Variants in DPP10 observed in about 807,000 individuals in gnomAD.
DPP10 encodes inactive dipeptidyl peptidase 10.
In DPP10, 33 loss-of-function variants were observed where a neutral mutation model predicts 120.9. The observed-to-expected ratio is 0.27, with a 90% CI of 0.21 to 0.37. The LOEUF is 0.37. Ranked by LOEUF, DPP10 falls within the 10% of genes least tolerant of loss-of-function variation. The pLI, the probability that DPP10 is intolerant of heterozygous loss-of-function variation, is 1.00. For missense variants in DPP10, 816 were observed against 942.8 expected, an observed-to-expected ratio of 0.87 and a Z score of 1.76; for synonymous variants, 337 against 326.1, an observed-to-expected ratio of 1.03 and a Z score of -0.36.
chr2:115,111,058 T>C (rs2049189770), intron 1 of DPP10, among the ~76,000 whole-genome samples: 1 of 152,196 alleles, frequency 6.6e-6, no homozygotes, highest in African/African-American at 2.4e-5. Context: ...AAATTGAAAC[T>C]GTGGAGAAGG....
intron 1 of DPP10, among the ~76,000 whole-genome samples, chr2:114,789,296 G>A (rs1350141048): frequency 6.6e-6 from 1 of 152,176 alleles, no homozygotes; most frequent in East Asian, 1.9e-4. Context: ...AGCTTTGCAA[G>A]GTTAAATAGG....
chr2:114,606,336 T>G (rs922049780), intron 1 of DPP10, among the ~76,000 whole-genome samples: 6 of 152,134 alleles, frequency 3.9e-5, no homozygotes, highest in Non-Finnish European at 2.9e-5. Flanking sequence ...AGCGAAGATC[T>G]TTCCAGCCCT....
intron 3 of DPP10, among the ~76,000 whole-genome samples, chr2:115,472,934 A>G (rs1279521351): frequency 6.6e-6 from 1 of 152,196 alleles, no homozygotes; most frequent in Non-Finnish European, 1.5e-5. Flanking sequence ...AGCAGGTCAT[A>G]CAAGAAGATT....
chr2:114,738,918 G>A (rs1000749038), intron 1 of DPP10, among the ~76,000 whole-genome samples: 3 of 152,112 alleles, frequency 2.0e-5, no homozygotes, highest in African/African-American at 7.2e-5. Context: ...GGTGCCTCAT[G>A]GAAGCCCAGA....
At chr2:114,501,382 C>T (rs1385486880) in intron 1 of DPP10, among the ~76,000 whole-genome samples, 2 of 152,206 alleles carry the variant, frequency 1.3e-5, no homozygotes, top group East Asian at 3.9e-4. Flanking sequence ...CAAAATGTCC[C>T]AGCCTTTGTG....
intron 3 of DPP10, among the ~76,000 whole-genome samples, chr2:115,469,950 GTA>G (rs1231980938): frequency 6.6e-6 from 1 of 151,046 alleles, no homozygotes; most frequent in Admixed American, 6.6e-5. Context: ...TAAAATCTGT[GTA>G]TTGTATTGCA....
At chr2:114,834,828 ATGTATATATAAGCCATG>A (rs1687547495) in intron 1 of DPP10, among the ~76,000 whole-genome samples, 1 of 150,434 alleles carries the variant, frequency 6.6e-6, no homozygotes, top group African/African-American at 2.5e-5. Flanking sequence ...CTACACACCT[ATGTATATATAAGCCATG>A]TCTACACACC....
At chr2:115,384,417 AAGAAGAAGAAGG>A (rs1342719618) in intron 3 of DPP10, among the ~76,000 whole-genome samples, 1 of 150,148 alleles carries the variant, frequency 6.7e-6, no homozygotes, top group African/African-American at 2.4e-5. Context: ...GGAGAAGAAG[AAGAAGAAGAAGG>A]AGAAGAAGAA....
At chr2:115,815,580 T>A (rs1687133613) in intron 20 of DPP10, 95 bp from the exon 21 acceptor site, 2 of 1,047,694 alleles carry the variant, frequency 1.9e-6, no homozygotes, top group African/African-American at 3.2e-5. Context: ...TTTCTAGTCA[T>A]TAGCTATTGT....
At chr2:115,153,624 C>A (rs972865561) in intron 1 of DPP10, among the ~76,000 whole-genome samples, 5 of 152,116 alleles carry the variant, frequency 3.3e-5, no homozygotes, top group African/African-American at 4.8e-5. Flanking sequence ...AGCCTAAACC[C>A]ATGCTGTCAT....
chr2:115,356,234 G>T (rs374035763), intron 3 of DPP10, among the ~76,000 whole-genome samples: 1 of 152,056 alleles, frequency 6.6e-6, no homozygotes, highest in Non-Finnish European at 1.5e-5. Flanking sequence ...ATTTCCTTGA[G>T]CAGTGGTTTG....
intron 10 of DPP10, among the ~76,000 whole-genome samples, chr2:115,751,765 T>C (rs1350012219): frequency 6.6e-6 from 1 of 151,594 alleles, no homozygotes; most frequent in Non-Finnish European, 1.5e-5. Flanking sequence ...TTCTAAGTCA[T>C]ATAAAACTGG....
At chr2:115,103,539 C>A (rs1043249322) in intron 1 of DPP10, among the ~76,000 whole-genome samples, 6 of 152,162 alleles carry the variant, frequency 3.9e-5, no homozygotes, top group African/African-American at 1.2e-4. Flanking sequence ...GCTCCACCAT[C>A]TCCAAAACTT....
intron 1 of DPP10, among the ~76,000 whole-genome samples, chr2:114,455,156 T>TTGTGTGTG (rs141717813): frequency 0.01 from 1,494 of 147,452 alleles, 15 homozygotes; most frequent in East Asian, 0.016. Flanking sequence ...TTTCTTTCTA[T>TTGTGTGTG]TGTGTGTGTG....
At chr2:114,932,996 A>C (rs1403111919) in intron 1 of DPP10, among the ~76,000 whole-genome samples, 1 of 152,194 alleles carries the variant, frequency 6.6e-6, no homozygotes, top group Non-Finnish European at 1.5e-5. Context: ...GAAAGAGCAG[A>C]ATAGTTATGA....
At chr2:115,373,082 A>T (rs572688110) in intron 3 of DPP10, among the ~76,000 whole-genome samples, 1 of 152,316 alleles carries the variant, frequency 6.6e-6, no homozygotes, top group East Asian at 1.9e-4. Context: ...AGGGTTGCCT[A>T]ATGAAAGAGA....
chr2:115,142,786 A>G (rs1282216655), intron 1 of DPP10, among the ~76,000 whole-genome samples: 1 of 152,178 alleles, frequency 6.6e-6, no homozygotes, highest in Non-Finnish European at 1.5e-5. Context: ...CTAAGTCCCC[A>G]GCTCCAGTAG....
At chr2:115,770,956 TACA>T (rs1473426358) in intron 13 of DPP10, among the ~76,000 whole-genome samples, 3 of 152,168 alleles carry the variant, frequency 2.0e-5, no homozygotes, top group Admixed American at 6.6e-5. Context: ...AGTGTTTTCT[TACA>T]ACATTTAATT....
intron 1 of DPP10, among the ~76,000 whole-genome samples, chr2:114,613,977 G>A (rs1333601449): frequency 2.0e-5 from 3 of 152,070 alleles, no homozygotes; most frequent in African/African-American, 7.2e-5. Context: ...GGGGGTTGGG[G>A]GCCCAGGGGA....
Sources: allele counts gnomAD v4.1 joint callset (sites outside exome capture counted in the v4.1 genomes callset), GRCh38; gene constraint gnomAD v4.1.1; transcripts MANE v1.5; gene names NCBI Gene and HGNC (gene_info 2026-07-23, HGNC 2026-07-21).